AKAP13: variants seen among roughly 807,000 people sequenced by gnomAD.
The protein encoded by AKAP13 is A-kinase anchoring protein 13, also known as A-kinase anchor protein 13.
Under a neutral mutation model 264.5 loss-of-function variants are expected in AKAP13, and 80 were observed. The ratio of observed to expected loss-of-function variants is 0.30; its 90% confidence interval spans 0.25 to 0.36. AKAP13 has a LOEUF of 0.36. Among genes scored for constraint, AKAP13 ranks in the 10% least tolerant of loss-of-function variants. The pLI, the probability that AKAP13 is intolerant of heterozygous loss-of-function variation, is 1.00. For synonymous variants in AKAP13, 1,380 were observed against 1,250.2 expected, an observed-to-expected ratio of 1.10 and a Z score of -2.19; for missense variants, 3,712 against 3,435.2, an observed-to-expected ratio of 1.08 and a Z score of -2.01.
rs751125436 is a variant in AKAP13, at chr15:85,575,113, A to G, written c.663-18A>G. The G allele has an allele frequency of 1.2e-6, 2 of 1,608,904 alleles. No individual in the cohort carries two copies. The highest frequency in any genetic ancestry group is 2.7e-5 in the African/African-American group (2 of 74,832). On this transcript the variant is annotated intron_variant, in intron 5 of 36. Coordinates refer to ENST00000394518, the MANE Select transcript of AKAP13 (RefSeq NM_007200.5). ...GAGGCAGAATGTATATATATTAACC[A>G]GAGATGCTTGCATGTAGGGAGAATG...
chr15:85,552,132 A>G (rs1450181546), intron 5 of AKAP13, among the ~76,000 whole-genome samples: 1 of 152,252 alleles, frequency 6.6e-6, no homozygotes, highest in Non-Finnish European at 1.5e-5. Flanking sequence ...GTAAAAAAAT[A>G]CAACCAATCC....
intron 2 of AKAP13, among the ~76,000 whole-genome samples, chr15:85,491,497 T>TTTATTATTTATTATATATTATA (rs1567085099): frequency 7.1e-6 from 1 of 140,692 alleles, no homozygotes; most frequent in Non-Finnish European, 1.5e-5. Context: ...TTATATATAT[T>TTTATTATTTATTATATATTATA]TATTATATAT....
At chr15:85,440,570 C>G (rs547179251) in intron 1 of AKAP13, among the ~76,000 whole-genome samples, 1 of 152,184 alleles carries the variant, frequency 6.6e-6, no homozygotes, top group African/African-American at 2.4e-5. Flanking sequence ...AATGTTCTGT[C>G]TAGGATTTGC....
intron 8 of AKAP13, among the ~76,000 whole-genome samples, chr15:85,614,185 G>C (rs990662865): frequency 6.6e-6 from 1 of 152,202 alleles, no homozygotes; most frequent in African/African-American, 2.4e-5. Flanking sequence ...AGAGCACTCA[G>C]GTATTCTGTT....
chr15:85,747,104 T>C lies in AKAP13; in HGVS notation c.*2427T>C, dbSNP rs2089393817. 1 of 152,208 alleles carries C rather than the reference T, an allele frequency of 6.6e-6. No individual in the cohort carries two copies. The highest frequency in any genetic ancestry group is 2.4e-5 in the African/African-American group (1 of 41,444). 9.4% of individuals were successfully genotyped at this position (152,208 alleles called of 1,614,324 possible). On this transcript the variant is annotated 3_prime_UTR_variant, in exon 37 of 37. Coordinates refer to ENST00000394518, the MANE Select transcript of AKAP13 (RefSeq NM_007200.5). ...TCAAAACGATTTGGTCAGGTTCTGG[T>C]TGGACAAGTTTAAAATCAAAGTAGT...
rs1422398115 is a variant in AKAP13, at chr15:85,719,193, CCT to C, written c.6120_6121del (p.Cys2041PhefsTer3). On this transcript the variant is annotated frameshift_variant, in exon 23 of 37. Coordinates refer to ENST00000394518, the MANE Select transcript of AKAP13 (RefSeq NM_007200.5). LOFTEE classifies it high-confidence loss of function. The stretch of plus-strand genomic sequence containing the variant: ...CAGCAGATGGTAGAAAAGCTGTTCC[CCT>C]GTTTGGATGAGCTGATCAGTATCCA... The C allele has an allele frequency of 6.2e-7, 1 of 1,614,082 alleles. No individual in the cohort carries two copies. Among genetic ancestry groups the C allele is most frequent in the Non-Finnish European group, 8.5e-7 (1 of 1,180,024 alleles).
rs552719686 is a variant in AKAP13, at chr15:85,575,409, A to G, written c.861+80A>G. 6.4e-5 allele frequency: 87 copies of G among 1,362,796 alleles called. 1 individual carries two copies. In the African/African-American group the frequency reaches 9.3e-4, roughly 15 times the overall value. 84.4% of individuals were successfully genotyped at this position (1,362,796 alleles called of 1,614,324 possible). A position where few individuals can be genotyped will look rare whatever the true frequency, so the allele number is the denominator to read the frequency against. ...TATGTGTGTGTCCCCGCCCTCCTCCAATGAACCTTGATATAATTAGAACAT... is the reference window on the plus strand; with the variant it reads ...TATGTGTGTGTCCCCGCCCTCCTCCGATGAACCTTGATATAATTAGAACAT... On this transcript the variant is annotated intron_variant, in intron 6 of 36. Coordinates refer to ENST00000394518, the MANE Select transcript of AKAP13 (RefSeq NM_007200.5).
At chr15:85,717,535 G>A (rs909494887) in intron 21 of AKAP13, 133 bp downstream of exon 21, 3 of 683,980 alleles carry the variant, frequency 4.4e-6, no homozygotes, top group Non-Finnish European at 7.5e-6. Context: ...TAAATTGTCA[G>A]TAAAGTGTCC....
chr15:85,504,526 A>AAAAAAAAAAG (rs1309561943), intron 2 of AKAP13, among the ~76,000 whole-genome samples: 1 of 145,886 alleles, frequency 6.9e-6, no homozygotes, highest in Non-Finnish European at 1.5e-5. Context: ...AAAAAAAAAA[A>AAAAAAAAAAG]AAAAAAAAAG....
At chr15:85,671,330 A>G (rs2083913506) in intron 14 of AKAP13, among the ~76,000 whole-genome samples, 3 of 151,416 alleles carry the variant, frequency 2.0e-5, no homozygotes, top group African/African-American at 7.3e-5. Flanking sequence ...CAGCTGCTTC[A>G]GAGGCTGAGG....
rs767899927 is a variant in AKAP13, at chr15:85,673,986, C to T, written c.5101+4156C>T. Among the ~76,000 whole-genome samples, 7 of 151,558 alleles carry T rather than the reference C, an allele frequency of 4.6e-5. No individual in the cohort carries two copies. In the East Asian group the frequency reaches 5.8e-4, roughly 13 times the overall value. ...GATTACAGGCGTGAGCCACCGTGCCCGACCCAGATGATCCCTTTCTATGGC... is the reference window on the plus strand; with the variant it reads ...GATTACAGGCGTGAGCCACCGTGCCTGACCCAGATGATCCCTTTCTATGGC... On this transcript the variant is annotated intron_variant, in intron 14 of 36. Transcript: ENST00000394518.
chr15:85,427,560 G>T (rs901239474), intron 1 of AKAP13, among the ~76,000 whole-genome samples: 2 of 152,122 alleles, frequency 1.3e-5, no homozygotes, highest in African/African-American at 4.8e-5. Context: ...AACCATGTAT[G>T]TTTGGTAAAT....
intron 1 of AKAP13, among the ~76,000 whole-genome samples, chr15:85,478,548 C>T (rs2075251345): frequency 6.6e-6 from 1 of 152,144 alleles, no homozygotes; most frequent in East Asian, 1.9e-4. Context: ...GGTAATCCAG[C>T]GTTGATAAAG....
At chr15:85,487,354 A>G (rs1443157440) in intron 2 of AKAP13, among the ~76,000 whole-genome samples, 1 of 152,228 alleles carries the variant, frequency 6.6e-6, no homozygotes, top group Non-Finnish European at 1.5e-5. Context: ...AAGAGAAAGC[A>G]TCCAAGCTTT....
chr15:85,383,374 C>A (rs1158863820), intron 1 of AKAP13, among the ~76,000 whole-genome samples: 1 of 152,150 alleles, frequency 6.6e-6, no homozygotes, highest in African/African-American at 2.4e-5. Flanking sequence ...ACTCCATAAG[C>A]GTTAGTAACA....
intron 1 of AKAP13, among the ~76,000 whole-genome samples, chr15:85,390,386 A>G (rs1187446717): frequency 1.3e-5 from 2 of 152,206 alleles, no homozygotes. Context: ...ATGAAGATTC[A>G]GAGGAAGTAT....
chr15:85,428,146 T>TA (rs1171271191), intron 1 of AKAP13, among the ~76,000 whole-genome samples: 6 of 152,220 alleles, frequency 3.9e-5, no homozygotes, highest in Non-Finnish European at 7.3e-5. Context: ...TCCTCCTGTA[T>TA]AAAGATCACA....
chr15:85,468,814 A>C (rs1174684061), intron 1 of AKAP13, among the ~76,000 whole-genome samples: 1 of 151,854 alleles, frequency 6.6e-6, no homozygotes, highest in Non-Finnish European at 1.5e-5. Flanking sequence ...GAATATTTTC[A>C]TTGCCTTGCA....
intron 2 of AKAP13, among the ~76,000 whole-genome samples, chr15:85,492,393 C>T (rs537060776): frequency 6.6e-6 from 1 of 152,246 alleles, no homozygotes; most frequent in East Asian, 1.9e-4. Flanking sequence ...AAAAACAAAA[C>T]AAAACTTTAA....
Sources: allele counts gnomAD v4.1 joint callset (sites outside exome capture counted in the v4.1 genomes callset), GRCh38; gene constraint gnomAD v4.1.1; transcripts MANE v1.5; gene names NCBI Gene and HGNC (gene_info 2026-07-23, HGNC 2026-07-21).